The following HABP4 variants were observed in gnomAD, a reference collection of about 807,000 sequenced individuals.
HABP4 encodes intracellular hyaluronan-binding protein 4.
In HABP4, 32 loss-of-function variants were observed where a neutral mutation model predicts 44.1. The observed-to-expected ratio is 0.73, with a 90% confidence interval of 0.55 to 0.97. The LOEUF (loss-of-function observed/expected upper bound fraction) is 0.97, where lower values mean the gene tolerates loss of function less well. HABP4 is among the 50% of genes least tolerant of loss of function. HABP4 has a pLI of 0.00. For synonymous variants in HABP4, 216 were observed against 218.0 expected (o/e 0.99, Z 0.08); for missense variants, 503 against 561.9 (o/e 0.90, Z 1.06).
chr9:96,486,779 C>T (rs956632584), intron 6 of HABP4, among the ~76,000 whole-genome samples: 1 of 152,014 alleles, frequency 6.6e-6, no homozygotes, highest in African/African-American at 2.4e-5. Flanking sequence ...CTAGTAACAA[C>T]CTCGCGTAAG....
At chr9:96,466,491 C>T (rs1367897002) in intron 4 of HABP4, among the ~76,000 whole-genome samples, 1 of 152,210 alleles carries the variant, frequency 6.6e-6, no homozygotes, top group Admixed American at 6.5e-5. Context: ...TTGCCTCAGC[C>T]TCCCAAAGTG....
chr9:96,453,370 G>T (rs1587767519), intron 1 of HABP4, among the ~76,000 whole-genome samples: 1 of 151,750 alleles, frequency 6.6e-6, no homozygotes. Flanking sequence ...TACTGTGCCT[G>T]GCCTAATTTT....
intron 5 of HABP4, among the ~76,000 whole-genome samples, chr9:96,473,557 C>T (rs542188571): frequency 8.5e-5 from 13 of 152,262 alleles, no homozygotes; most frequent in African/African-American, 3.1e-4. Context: ...ATTGTCATGC[C>T]CCCACCCCTT....
chr9:96,452,162 G>A (rs1832294739), intron 1 of HABP4, among the ~76,000 whole-genome samples: 1 of 150,000 alleles, frequency 6.7e-6, no homozygotes, highest in Non-Finnish European at 1.5e-5. Context: ...AGGAGGCGGA[G>A]CTTGCAGTGA....
At chr9:96,459,010 T>A (rs1159305424) in intron 2 of HABP4, among the ~76,000 whole-genome samples, 1 of 152,206 alleles carries the variant, frequency 6.6e-6, no homozygotes, top group East Asian at 1.9e-4. Context: ...TCATGTTACC[T>A]TAGATGATGG....
chr9:96,479,027 G>A (rs1832832441), intron 5 of HABP4, among the ~76,000 whole-genome samples: 1 of 152,138 alleles, frequency 6.6e-6, no homozygotes, highest in African/African-American at 2.4e-5. Context: ...CTTTGATAAA[G>A]AACCACTGCC....
Position 96,490,069 on chromosome 9 carries a change from G to A in HABP4, c.*31G>A, listed in dbSNP as rs1487724853. ...CCCTGTTTCCCAGCACCGCGGAGCT[G>A]CACTGCACACCTGTGGGGAGACTTT... On this transcript the variant is annotated 3_prime_UTR_variant, in exon 8 of 8. Coordinates refer to ENST00000375249, the MANE Select transcript of HABP4 (RefSeq NM_014282.4). The A allele has an allele frequency of 9.6e-6, 13 of 1,360,876 alleles. No homozygotes were observed. Among genetic ancestry groups the A allele is most frequent in the Non-Finnish European group, 1.3e-5 (12 of 948,594 alleles). 84.3% of individuals were successfully genotyped at this position (1,360,876 alleles called of 1,614,324 possible).
chr9:96,479,844 A>G (rs917662257), intron 5 of HABP4, among the ~76,000 whole-genome samples: 5 of 151,838 alleles, frequency 3.3e-5, no homozygotes, highest in African/African-American at 9.7e-5. Context: ...TTTTATCCCT[A>G]TTGTTTTCCT....
intron 5 of HABP4, among the ~76,000 whole-genome samples, chr9:96,482,094 C>T (rs1447565471): frequency 1.3e-5 from 2 of 152,060 alleles, no homozygotes; most frequent in Non-Finnish European, 2.9e-5. Context: ...TTCCACTACA[C>T]CCGGCTAATT....
intron 5 of HABP4, among the ~76,000 whole-genome samples, chr9:96,476,891 T>C (rs7024214): frequency 0.3 from 46,214 of 152,154 alleles, 9,261 homozygotes; most frequent in African/African-American, 0.58. Flanking sequence ...ATGGGGCATT[T>C]GTGCCTCTAT....
chr9:96,452,911 G>GTTTT (rs71368266), intron 1 of HABP4, among the ~76,000 whole-genome samples: 3 of 63,142 alleles, frequency 4.8e-5, no homozygotes, highest in African/African-American at 1.6e-4. Flanking sequence ...ATGGAAAAGG[G>GTTTT]TTTTTTTTTT....
chr9:96,475,029 T>C (rs557538290), intron 5 of HABP4, among the ~76,000 whole-genome samples: 1 of 152,298 alleles, frequency 6.6e-6, no homozygotes, highest in Non-Finnish European at 1.5e-5. Context: ...TGTTGCATAG[T>C]GTTCTAGTGT....
chr9:96,456,774 AAAAAAAATATATATAT>A (rs1308600883), intron 1 of HABP4, among the ~76,000 whole-genome samples: 4 of 70,276 alleles, frequency 5.7e-5, no homozygotes, highest in African/African-American at 1.9e-4. Context: ...AAAAAAAAAA[AAAAAAAATATATATAT>A]ATATATATAT....
In HABP4 at chr9:96,488,574, C is replaced by T. The variant is rs755966419; in HGVS notation, c.1185+300C>T. Among the ~76,000 whole-genome samples, 1 of 152,158 alleles carries T rather than the reference C, an allele frequency of 6.6e-6. No homozygotes were observed. The highest frequency in any genetic ancestry group is 6.5e-5 in the Admixed American group (1 of 15,280). ...CTTGGGATTGAACTGGAGCACCTGA[C>T]GTTTTGCTTACTGTGGCCTGATTGT... is the stretch of plus-strand genomic sequence containing the variant. On this transcript the variant is annotated intron_variant, in intron 7 of 7. Coordinates refer to ENST00000375249, the MANE Select transcript of HABP4 (RefSeq NM_014282.4). The surrounding 1 kb of genome is among the most constrained non-coding windows in gnomAD (Gnocchi z 4.6).
At chr9:96,464,759 G>T (rs976593421) in intron 2 of HABP4, among the ~76,000 whole-genome samples, 1 of 152,204 alleles carries the variant, frequency 6.6e-6, no homozygotes, top group Non-Finnish European at 1.5e-5. Flanking sequence ...GGCCGTTTAT[G>T]TGGAGTAATG....
chr9:96,472,590 C>A (rs1832716526), intron 5 of HABP4, among the ~76,000 whole-genome samples: 1 of 152,202 alleles, frequency 6.6e-6, no homozygotes, highest in African/African-American at 2.4e-5. Context: ...CGCTTCAGAT[C>A]TTTCCTACTG....
chr9:96,490,118 A>T lies in HABP4; in HGVS notation c.*80A>T. On this transcript the variant is annotated 3_prime_UTR_variant, in exon 8 of 8. Transcript: ENST00000375249. Reference sequence around the variant, plus strand: ...TTTCCAGCTGGGCCAAGGGAGTCAGACTCTAAGAACAATAGATGTTGCTTT... The same window carrying T: ...TTTCCAGCTGGGCCAAGGGAGTCAGTCTCTAAGAACAATAGATGTTGCTTT... 1 of 848,854 alleles carries T rather than the reference A, an allele frequency of 1.2e-6. No homozygotes were observed. The highest frequency in any genetic ancestry group is 2.4e-5 in the East Asian group (1 of 41,228). 52.6% of individuals were successfully genotyped at this position (848,854 alleles called of 1,614,324 possible).
chr9:96,465,627 G>A, intron 3 of HABP4, 83 bp from the exon 4 acceptor site: 1 of 1,181,206 alleles, frequency 8.5e-7, no homozygotes, highest in East Asian at 2.3e-5. Flanking sequence ...CTGATCCTGG[G>A]ACTTTTATGA....
intron 4 of HABP4, 75 bp from the exon 5 acceptor site, chr9:96,470,936 T>C (rs1832686417): frequency 1.1e-6 from 1 of 897,932 alleles, no homozygotes; most frequent in South Asian, 1.4e-5. Context: ...AAACAATGTT[T>C]TCTCCTTCTT....
Sources: gnomAD v4.1 joint callset for allele counts (sites outside exome capture counted in the v4.1 genomes callset) on GRCh38, gnomAD v4.1.1 for gene constraint, Gnocchi (gnomAD v3.1) non-coding constraint, MANE v1.5 for transcripts, NCBI Gene and HGNC (gene_info 2026-07-23, HGNC 2026-07-21) for gene names.